DUT: variants seen among roughly 807,000 people sequenced by gnomAD.
DUT encodes the protein deoxyuridine 5'-triphosphate nucleotidohydrolase, mitochondrial.
Under a neutral mutation model 28.8 loss-of-function variants are expected in DUT, and 21 were observed. That is an observed-to-expected ratio of 0.73 (90% CI 0.52 to 1.05). The LOEUF (loss-of-function observed/expected upper bound fraction) is 1.05, where lower values mean the gene tolerates loss of function less well. Ranked by LOEUF, DUT falls within the 50% of genes least tolerant of loss-of-function variation. The pLI is 0.00. For synonymous variants in DUT, 147 were observed against 143.7 expected (o/e 1.02, Z -0.17); for missense variants, 344 against 351.8 (o/e 0.98, Z 0.18).
At chr15:48,336,943 A>G (rs16960782) in intron 4 of DUT, among the ~76,000 whole-genome samples, 7 of 152,148 alleles carry the variant, frequency 4.6e-5, no homozygotes, top group Non-Finnish European at 8.8e-5. Context: ...TTCCACTGCA[A>G]TTAATTGTGG....
In DUT at chr15:48,331,787, CG is replaced by C; in HGVS notation, c.276del (p.Pro93ArgfsTer62). ...CCTAAGGCGGGGGGAAGCCCGGCGC[CG>C]GGGCCGGGTAGGAAAGGCGGGGGAG... is the stretch of plus-strand genomic sequence containing the variant. ...ELPKAGGSPA[P>X]GPETPAISPS... On this transcript the variant is annotated frameshift_variant, in exon 1 of 7. Transcript: ENST00000331200. LOFTEE classifies it high-confidence loss of function. 7.4e-7 allele frequency: 1 copy of C among 1,355,796 alleles called. No individual in the cohort carries two copies. The highest frequency in any genetic ancestry group is 1.7e-5 in the South Asian group (1 of 57,732). The allele number at this position is 1,355,796 out of a possible 1,614,324, so 84.0% of individuals were successfully genotyped here. A position where few individuals can be genotyped will look rare whatever the true frequency, so the allele number is the denominator to read the frequency against.
chr15:48,335,735 C>T (rs1274990229), intron 3 of DUT, among the ~76,000 whole-genome samples: 1 of 152,220 alleles, frequency 6.6e-6, no homozygotes, highest in East Asian at 1.9e-4. Context: ...TTCCCGCTTG[C>T]TCACCTTTCA....
At chr15:48,332,238 C>T in intron 1 of DUT, 30 bp from the exon 2 acceptor site, 11 of 1,578,708 alleles carry the variant, frequency 7.0e-6, no homozygotes, top group Non-Finnish European at 9.4e-6. Context: ...CCTCGCTCGC[C>T]TTCTGGCTCT....
chr15:48,331,230 ACT>A (rs766808156), upstream of DUT: 17 of 1,489,286 alleles, frequency 1.1e-5, no homozygotes, highest in African/African-American at 2.0e-4. Flanking sequence ...CCTGGCGTAC[ACT>A]CTCGGAAAAA....
Position 48,331,748 on chromosome 15 carries a change from G to T in DUT, c.233G>T (p.Trp78Leu). Residue 78 changes from tryptophan (W) to leucine (L), a missense_variant, in exon 1 of 7, where the codon TGG becomes TTG. Transcript: ENST00000331200. Reference protein sequence around the residue: ...RGASTVGAAGWKGELPKAGGS... With the variant: ...RGASTVGAAGLKGELPKAGGS... The stretch of plus-strand genomic sequence containing the variant: ...GCCAGTACAGTCGGGGCCGCTGGCT[G>T]GAAGGGCGAGCTTCCTAAGGCGGGG... The T allele has an allele frequency of 1.4e-6, 2 of 1,424,070 alleles. No homozygotes were observed. Among genetic ancestry groups the T allele is most frequent in the Non-Finnish European group, 1.8e-6 (2 of 1,091,310 alleles). The allele number at this position is 1,424,070 out of a possible 1,614,324, so 88.2% of individuals were successfully genotyped here.
At position 48,331,489 on chromosome 15, in the gene DUT, A is replaced by C; in HGVS notation, c.-27A>C. ...TGGCGCACGTCCGGAGGTGCCGAGG[A>C]CCCAACCAGCCCAAACTCTGGGGGA... On this transcript the variant is annotated 5_prime_UTR_variant, in exon 1 of 7. Coordinates refer to ENST00000331200, the MANE Select transcript of DUT (RefSeq NM_001025248.2). 6.2e-7 allele frequency: 1 copy of C among 1,609,630 alleles called. No homozygotes were observed. Among genetic ancestry groups the C allele is most frequent in the Non-Finnish European group, 8.5e-7 (1 of 1,178,644 alleles).
chr15:48,340,597 T>C lies in DUT; in HGVS notation c.557-692T>C, dbSNP rs3784620. Among the ~76,000 whole-genome samples the C allele has an allele frequency of 2.0e-5, 3 of 152,236 alleles. No homozygotes were observed. The East Asian group carries it at 5.8e-4, about 29-fold the overall frequency. ...GGCTATGTCAGGGACCTGGCTCAAG[T>C]CTCCCCTGCAAAGATCTTCTCCCCC... On this transcript the variant is annotated intron_variant, in intron 4 of 6. Coordinates refer to ENST00000331200, the MANE Select transcript of DUT (RefSeq NM_001025248.2).
rs367581813 is a variant in DUT at position 48,342,013 on chromosome 15, A to T, written c.703-9A>T. ...AAACTGTGAAGCTTACTACCTTTCTATCTTTCAGGCCTTGGATGACACCGA... is the reference window on the plus strand; with the variant it reads ...AAACTGTGAAGCTTACTACCTTTCTTTCTTTCAGGCCTTGGATGACACCGA... On this transcript the variant is annotated splice_polypyrimidine_tract_variant and intron_variant, in intron 6 of 6. Transcript: ENST00000331200. 2.2e-5 allele frequency: 34 copies of T among 1,567,522 alleles called. No individual in the cohort carries two copies. The highest frequency in any genetic ancestry group is 2.9e-5 in the Non-Finnish European group (34 of 1,163,898).
chr15:48,340,788 A>C (rs572099664), intron 4 of DUT, among the ~76,000 whole-genome samples: 12 of 152,328 alleles, frequency 7.9e-5, no homozygotes, highest in African/African-American at 2.9e-4. Flanking sequence ...TTTTAGTGTA[A>C]AAATGGAATA....
intron 5 of DUT, 58 bp downstream of exon 5, chr15:48,341,421 TA>T (rs749102432): frequency 6.5e-7 from 1 of 1,544,450 alleles, no homozygotes; most frequent in Non-Finnish European, 8.9e-7. Flanking sequence ...CATGTATGTG[TA>T]AATTAATATT....
In DUT at chr15:48,331,445, C is replaced by A; in HGVS notation, c.-71C>A. On this transcript the variant is annotated 5_prime_UTR_variant, in exon 1 of 7. Coordinates refer to ENST00000331200, the MANE Select transcript of DUT (RefSeq NM_001025248.2). ...CGAGGTCATGTTCCCAGGACGGGCG[C>A]GTCTTCAGGGTGGAAGCCTGGCGCA... The A allele has an allele frequency of 2.5e-6, 4 of 1,587,016 alleles. No individual in the cohort carries two copies. The highest frequency in any genetic ancestry group is 3.4e-6 in the Non-Finnish European group (4 of 1,168,102).
chr15:48,332,237 C>A, intron 1 of DUT, 31 bp from the exon 2 acceptor site: 1 of 1,577,890 alleles, frequency 6.3e-7, no homozygotes, highest in South Asian at 1.1e-5. Context: ...TCCTCGCTCG[C>A]CTTCTGGCTC....
chr15:48,333,471 C>T (rs992926479), intron 2 of DUT, among the ~76,000 whole-genome samples: 2 of 152,112 alleles, frequency 1.3e-5, no homozygotes, highest in Non-Finnish European at 2.9e-5. Flanking sequence ...AGGTGACTTT[C>T]TGTATACTGA....
At chr15:48,337,216 C>T (rs985878332) in intron 4 of DUT, among the ~76,000 whole-genome samples, 1 of 152,092 alleles carries the variant, frequency 6.6e-6, no homozygotes, top group African/African-American at 2.4e-5. Context: ...TGACAGCCCA[C>T]TCTTGGGTTG....
In DUT at chr15:48,342,675, ATCTT is replaced by A. The variant is rs1433825335; in HGVS notation, c.*603_*606del. 4.6e-5 allele frequency: 7 copies of A among 152,168 alleles called. No homozygotes were observed. Among genetic ancestry groups the A allele is most frequent in the Admixed American group, 1.3e-4 (2 of 15,272 alleles). The allele number at this position is 152,168 out of a possible 1,614,324, so 9.4% of individuals were successfully genotyped here. ...TCCTCAGTTTATTTTTCCACTATTA[ATCTT>A]TCTTTTGATAAATCCTCTATTGACT... On this transcript the variant is annotated 3_prime_UTR_variant, in exon 7 of 7. Coordinates refer to ENST00000331200, the MANE Select transcript of DUT (RefSeq NM_001025248.2).
rs1298532989 is a variant in DUT at position 48,342,762 on chromosome 15, T to C, written c.*684T>C. ...TTGGGGATTTGTTACTTTAGGTTTG[T>C]TCCCTTGAATTTCATCTCATCAGGC... On this transcript the variant is annotated 3_prime_UTR_variant, in exon 7 of 7. Coordinates refer to ENST00000331200, the MANE Select transcript of DUT (RefSeq NM_001025248.2). 6.6e-6 allele frequency: 1 copy of C among 152,240 alleles called. No homozygotes were observed. The highest frequency in any genetic ancestry group is 1.5e-5 in the Non-Finnish European group (1 of 68,044). The allele number at this position is 152,240 out of a possible 1,614,324, so 9.4% of individuals were successfully genotyped here. A position where few individuals can be genotyped will look rare whatever the true frequency, so the allele number is the denominator to read the frequency against.
At chr15:48,332,476 A>G in intron 2 of DUT, 70 bp downstream of exon 2, 1 of 1,331,218 alleles carries the variant, frequency 7.5e-7, no homozygotes, top group Non-Finnish European at 1.0e-6. Context: ...AGAAACAGTC[A>G]CCGGAGAGAT....
At chr15:48,334,342 T>C in intron 2 of DUT, 75 bp from the exon 3 acceptor site, 1 of 988,676 alleles carries the variant, frequency 1.0e-6, no homozygotes. Context: ...TAATTTTGTA[T>C]GCTTGGTCAC....
intron 4 of DUT, among the ~76,000 whole-genome samples, chr15:48,336,304 A>G (rs2042474868): frequency 6.6e-6 from 1 of 152,182 alleles, no homozygotes; most frequent in Non-Finnish European, 1.5e-5. Flanking sequence ...CCTAATTAAT[A>G]ATGACAGATT....
Sources: gnomAD v4.1 joint callset for allele counts (sites outside exome capture counted in the v4.1 genomes callset) on GRCh38, gnomAD v4.1.1 for gene constraint, MANE v1.5 for transcripts, NCBI Gene and HGNC (gene_info 2026-07-23, HGNC 2026-07-21) for gene names.